SON: variants seen among roughly 807,000 people sequenced by gnomAD.
SON encodes SON DNA and RNA binding protein, also known as protein SON.
Under a neutral mutation model 173.3 loss-of-function variants are expected in SON, and 4 were observed. The observed-to-expected ratio is 0.02, with a 90% CI of 0.01 to 0.05. The LOEUF (loss-of-function observed/expected upper bound fraction) is 0.05. SON is among the 10% of genes least tolerant of loss of function. The pLI is 1.00. For synonymous variants in SON, 1,190 were observed against 1,105.9 expected (o/e 1.08, Z -1.51); for missense variants, 2,626 against 3,055.3 (o/e 0.86, Z 3.31).
At position 33,553,208 on chromosome 21, in the gene SON, C is replaced by G. The variant is rs374593267; in HGVS notation, c.3977C>G (p.Ser1326Cys). The G allele has an allele frequency of 8.1e-6, 13 of 1,614,184 alleles. No individual in the cohort carries two copies. Among genetic ancestry groups the G allele is most frequent in the Non-Finnish European group, 1.1e-5 (13 of 1,180,046 alleles). The change falls in exon 3 of 12, where the codon TCT becomes TGT. Residue 1326 changes from serine (S) to cysteine (C), a missense_variant. Ser to Cys is a moderately radical substitution (Grantham distance 112). Coordinates refer to ENST00000356577, the MANE Select transcript of SON (RefSeq NM_138927.4). ...RASGHVASEV[S>C]TSLLVPAVTT... The stretch of plus-strand genomic sequence containing the variant: ...TCAGGACATGTTGCCTCAGAAGTAT[C>G]TACATCCTTGTTGGTTCCAGCAGTA...
At position 33,552,513 on chromosome 21, in the gene SON, G is replaced by T; in HGVS notation, c.3282G>T (p.Ser1094=). The T allele has an allele frequency of 6.2e-7, 1 of 1,613,918 alleles. No homozygotes were observed. The highest frequency in any genetic ancestry group is 8.5e-7 in the Non-Finnish European group (1 of 1,179,960). Residue 1094 remains serine, a synonymous_variant, in exon 3 of 12, where the codon TCG becomes TCT. Coordinates refer to ENST00000356577, the MANE Select transcript of SON (RefSeq NM_138927.4). The surrounding 1 kb of genome is among the most constrained non-coding windows in gnomAD (Gnocchi z 5.6). The part of the protein sequence containing the change: ...MSMGADRSMM[S]SYSAADRSMM... ...TGGGTGCTGACCGGTCTATGATGTC[G>T]TCATACTCTGCTGCTGACCGGTCTA...
Position 33,550,267 on chromosome 21 carries a change from G to C in SON, c.1036G>C (p.Val346Leu), listed in dbSNP as rs772189559. The C allele has an allele frequency of 1.9e-6, 3 of 1,613,784 alleles. No homozygotes were observed. The highest frequency in any genetic ancestry group is 1.7e-5 in the Admixed American group (1 of 60,000). Residue 346 changes from valine to leucine, a missense_variant, in exon 3 of 12, where the codon GTA becomes CTA. Physicochemically the swap from Val to Leu is conservative, Grantham distance 32 (BLOSUM62 1). Coordinates refer to ENST00000356577, the MANE Select transcript of SON (RefSeq NM_138927.4). ...ALRLPEQPVD[V>L]PSEIADSSMT... Reference sequence around the variant, plus strand: ...AAGATTGCCAGAGCAGCCTGTAGACGTACCATCGGAGATTGCAGATTCATC... The same window carrying C: ...AAGATTGCCAGAGCAGCCTGTAGACCTACCATCGGAGATTGCAGATTCATC...
chr21:33,555,192 C>T lies in SON; in HGVS notation c.5961C>T (p.Thr1987=), dbSNP rs760921468. 5.1e-6 allele frequency: 8 copies of T among 1,583,374 alleles called. No individual in the cohort carries two copies. The Admixed American group carries it at 1.2e-4, about 24-fold the overall frequency. The change falls in exon 3 of 12, where the codon ACC becomes ACT. Residue 1987 remains threonine, a synonymous_variant. Coordinates refer to ENST00000356577, the MANE Select transcript of SON (RefSeq NM_138927.4). The stretch of plus-strand genomic sequence containing the variant: ...GCACCCCCAGCCGCCGGAGCCGCAC[C>T]CCTAGCCGTCGGAGCCGCACCCCAA... The part of the protein sequence containing the change: ...RSRTPSRRSR[T]PSRRSRTPSR...
chr21:33,552,961 G>C lies in SON; in HGVS notation c.3730G>C (p.Ala1244Pro), dbSNP rs577380682. The C allele has an allele frequency of 6.2e-7, 1 of 1,614,174 alleles. No individual in the cohort carries two copies. Reference sequence around the variant, plus strand: ...AGATCCCTCAGTTTTAGTATCAGAGGCTGCTGTGACTGTTCCAGAACCACC... The same window carrying C: ...AGATCCCTCAGTTTTAGTATCAGAGCCTGCTGTGACTGTTCCAGAACCACC... The part of the protein sequence containing the change: ...ASDPSVLVSE[A>P]AVTVPEPPPE... Residue 1244 changes from alanine to proline, a missense_variant, in exon 3 of 12, where the codon GCT (alanine) becomes CCT (proline). Around this residue, in one of 13 missense-constraint regions of SON, gnomAD observed 1,006 missense variants for 895.6 expected, o/e 1.12. Transcript: ENST00000356577. The surrounding 1 kb of genome is among the most constrained non-coding windows in gnomAD (Gnocchi z 5.6).
Position 33,554,012 on chromosome 21 carries a change from C to A in SON, c.4781C>A (p.Ser1594Tyr). 1 of 1,614,118 alleles carries A rather than the reference C, an allele frequency of 6.2e-7. No homozygotes were observed. The highest frequency in any genetic ancestry group is 1.1e-5 in the South Asian group (1 of 91,074). ...GAAGCTGATGCAGGAGAAACTCTAT[C>A]TTCTACTGGTCCTTTTGCTCTGGAA... ...VSEADAGETLSSTGPFALEPD... is the reference protein window; with the variant it reads ...VSEADAGETLYSTGPFALEPD... The change falls in exon 3 of 12, where the codon TCT (serine) becomes TAT (tyrosine). Residue 1594 changes from serine (S) to tyrosine (Y), a missense_variant. Physicochemically the swap from Ser to Tyr is moderately radical, Grantham distance 144 (BLOSUM62 -2). Transcript: ENST00000356577.
At chr21:33,543,576 G>T (rs189904359) in intron 1 of SON, 89 of 256,810 alleles carry the variant, frequency 3.5e-4, no homozygotes, top group African/African-American at 1.9e-3. Context: ...CGGTGCCTAT[G>T]ACCGGAAAGG....
Position 33,554,529 on chromosome 21 carries a change from T to G in SON, c.5298T>G (p.Ser1766=), listed in dbSNP as rs778031611. 2 of 1,614,142 alleles carry G rather than the reference T, an allele frequency of 1.2e-6. No individual in the cohort carries two copies. The highest frequency in any genetic ancestry group is 8.5e-7 in the Non-Finnish European group (1 of 1,180,054). The change falls in exon 3 of 12, where the codon TCT becomes TCG. Residue 1766 remains serine, a synonymous_variant. Coordinates refer to ENST00000356577, the MANE Select transcript of SON (RefSeq NM_138927.4). ...CAAGTGATGTTGGACGTGACAGATC[T>G]GCTGCCAGCCCGGTTGTAAGTAGTA... ...LLASDVGRDR[S]AASPVVSSMP...
intron 8 of SON, chr21:33,569,541 A>G (rs951296634): frequency 2.0e-5 from 8 of 399,588 alleles, no homozygotes; most frequent in Non-Finnish European, 4.1e-5. Context: ...CCATTCCTCT[A>G]TTCCTTTGCC....
chr21:33,575,511 AT>A, intron 9 of SON, 84 bp from the exon 10 acceptor site: 2 of 823,488 alleles, frequency 2.4e-6, no homozygotes, highest in Non-Finnish European at 3.8e-6. Context: ...GAAGGCATAC[AT>A]TTTGAGGTTC....
At chr21:33,572,666 T>C (rs778022834) in intron 8 of SON, 7 of 1,090,230 alleles carry the variant, frequency 6.4e-6, no homozygotes, top group Non-Finnish European at 7.5e-6. Flanking sequence ...TAAAAGTCTT[T>C]TAACATCAAG....
In SON at chr21:33,559,595, A is replaced by G; in HGVS notation, c.6477A>G (p.Ala2159=). ...AACACTTTATTTTTTAGATTGCTGC[A>G]GCAAAACCAACTCCACCAAAAAGCC... The part of the protein sequence containing the change: ...KPIFFNLNIA[A]AKPTPPKSQV... Residue 2159 remains alanine (A), a synonymous_variant, in exon 6 of 12, where the codon GCA becomes GCG. Coordinates refer to ENST00000356577, the MANE Select transcript of SON (RefSeq NM_138927.4). This position sits in a 1 kb window ranked among gnomAD's most constrained non-coding sequence, Gnocchi z 4.1. 1 of 1,607,894 alleles carries G rather than the reference A, an allele frequency of 6.2e-7. No individual in the cohort carries two copies. The highest frequency in any genetic ancestry group is 8.5e-7 in the Non-Finnish European group (1 of 1,177,926).
chr21:33,549,631 GA>G lies in SON; in HGVS notation c.402del (p.Glu135AsnfsTer14). 6.2e-7 allele frequency: 1 copy of G among 1,607,370 alleles called. No homozygotes were observed. Among genetic ancestry groups the G allele is most frequent in the Non-Finnish European group, 8.5e-7 (1 of 1,178,134 alleles). On this transcript the variant is annotated frameshift_variant, in exon 3 of 12. Transcript: ENST00000356577. LOFTEE classifies it high-confidence loss of function. Reference sequence around the variant, plus strand: ...GGAAAAAAAATATAAAAGACAGCCAGAAGAATCTGAGTCAAAGACGAAATCT... The same window carrying G: ...GGAAAAAAAATATAAAAGACAGCCAGAGAATCTGAGTCAAAGACGAAATCT... ...EKEKKYKRQP[E>X]ESESKTKSHD... is the part of the protein sequence containing the mutation.
chr21:33,547,702 A>G (rs2085652944), intron 2 of SON, among the ~76,000 whole-genome samples: 2 of 120,746 alleles, frequency 1.7e-5, no homozygotes, highest in Non-Finnish European at 3.4e-5. Context: ...TTTCTTCTGT[A>G]GTCTTTTTTT....
intron 8 of SON, chr21:33,569,678 G>A: frequency 2.3e-6 from 1 of 443,518 alleles, no homozygotes; most frequent in Non-Finnish European, 4.6e-6. Context: ...TACAGCAAGT[G>A]GTTGGGAGGC....
rs1331264540 is a variant in SON, at chr21:33,554,652, G to T, written c.5421G>T (p.Lys1807Asn). 6.2e-7 allele frequency: 1 copy of T among 1,613,038 alleles called. No individual in the cohort carries two copies. Among genetic ancestry groups the T allele is most frequent in the Non-Finnish European group, 8.5e-7 (1 of 1,179,850 alleles). The change falls in exon 3 of 12, where the codon AAG (lysine) becomes AAT (asparagine). Residue 1807 changes from lysine to asparagine, a missense_variant. Transcript: ENST00000356577. Reference protein sequence around the residue: ...KDTHEKSKKNKNRDKGEKEKK... With the variant: ...KDTHEKSKKNNNRDKGEKEKK... ...CTCACGAAAAAAGCAAGAAAAATAA[G>T]AACCGTGATAAGGGGGAGAAAGAGA...
chr21:33,543,970 A>G (rs1032274362), intron 1 of SON, among the ~76,000 whole-genome samples: 2 of 152,210 alleles, frequency 1.3e-5, no homozygotes, highest in African/African-American at 4.8e-5. Context: ...AGAGATTGTT[A>G]AAGAAATGGT....
chr21:33,548,398 A>T (rs1411828278), intron 2 of SON, among the ~76,000 whole-genome samples: 1 of 152,234 alleles, frequency 6.6e-6, no homozygotes, highest in African/African-American at 2.4e-5. Flanking sequence ...ACATTTAAAA[A>T]GTTATTTTAG....
rs746548939 is a variant in SON, at chr21:33,552,741, A to T, written c.3510A>T (p.Pro1170=). The change falls in exon 3 of 12, where the codon CCA becomes CCT. Residue 1170 remains proline, a synonymous_variant. Coordinates refer to ENST00000356577, the MANE Select transcript of SON (RefSeq NM_138927.4). The surrounding 1 kb of genome is among the most constrained non-coding windows in gnomAD (Gnocchi z 5.6). The part of the protein sequence containing the change: ...LPPEEPPMTP[P]LPPEEPPEGP... ...CTGAGGAGCCACCAATGACACCACC[A>T]TTGCCTCCTGAGGAACCACCAGAGG... 4 of 1,613,862 alleles carry T rather than the reference A, an allele frequency of 2.5e-6. No individual in the cohort carries two copies. In the South Asian group the frequency reaches 4.4e-5, roughly 18 times the overall value.
In SON at chr21:33,554,998, C is replaced by A. The variant is rs1033229812; in HGVS notation, c.5767C>A (p.Arg1923=). The change falls in exon 3 of 12, where the codon CGA becomes AGA. Residue 1923 remains arginine (R), a synonymous_variant. Coordinates refer to ENST00000356577, the MANE Select transcript of SON (RefSeq NM_138927.4). ...CCGAAAGACAGTTAGAGCTCGAAGT[C>A]GAACCCCAAGTCGTCGGAGTCGGAG... ...DNRKTVRARS[R]TPSRRSRSHT... The A allele has an allele frequency of 3.7e-6, 6 of 1,613,378 alleles. No homozygotes were observed. The highest frequency in any genetic ancestry group is 5.1e-6 in the Non-Finnish European group (6 of 1,179,980).
Sources: allele counts gnomAD v4.1 joint callset (sites outside exome capture counted in the v4.1 genomes callset), GRCh38; gene constraint gnomAD v4.1.1; regional missense constraint gnomAD v4.1.1; non-coding constraint Gnocchi (gnomAD v3.1); transcripts MANE v1.5; gene names NCBI Gene and HGNC (gene_info 2026-07-23, HGNC 2026-07-21).